The following MARCHF1 variants were observed in gnomAD, a reference collection of about 807,000 sequenced individuals.
MARCHF1 encodes the protein E3 ubiquitin-protein ligase MARCHF1.
A neutral mutation model predicts 54.2 loss-of-function variants in MARCHF1; 40 were observed. That is an observed-to-expected ratio of 0.74 (90% CI 0.57 to 0.96). The LOEUF is 0.96. Ranked by LOEUF, MARCHF1 falls within the 40% of genes least tolerant of loss-of-function variation. The pLI, the probability that MARCHF1 is intolerant of heterozygous loss-of-function variation, is 0.00. For synonymous variants in MARCHF1, 236 were observed against 236.3 expected, an observed-to-expected ratio of 1.00 and a Z score of 0.01; for missense variants, 586 against 656.5, an observed-to-expected ratio of 0.89 and a Z score of 1.17.
chr4:164,176,980 C>CTCTCTCTATATA (rs1466683245), intron 1 of MARCHF1, among the ~76,000 whole-genome samples: 28 of 58,894 alleles, frequency 4.8e-4, no homozygotes, highest in African/African-American at 1.8e-3. Flanking sequence ...CTCTCTCTCT[C>CTCTCTCTATATA]TATATATATA....
At chr4:163,654,486 A>G (rs1743071450) in intron 5 of MARCHF1, among the ~76,000 whole-genome samples, 1 of 151,522 alleles carries the variant, frequency 6.6e-6, no homozygotes, top group Non-Finnish European at 1.5e-5. Context: ...CTATTCCTCT[A>G]TTTCTTCCTG....
intron 3 of MARCHF1, among the ~76,000 whole-genome samples, chr4:163,949,297 G>T (rs567533919): frequency 2.0e-5 from 3 of 152,304 alleles, no homozygotes; most frequent in Non-Finnish European, 4.4e-5. Context: ...CACTGCAAAC[G>T]GCTTCCACGG....
chr4:164,283,769 T>C (rs1734081193), intron 1 of MARCHF1, among the ~76,000 whole-genome samples: 1 of 150,450 alleles, frequency 6.6e-6, no homozygotes, highest in African/African-American at 2.4e-5. Flanking sequence ...ACCAAGATAG[T>C]AGAAAGAAGA....
Position 163,953,805 on chromosome 4 carries a change from T to C in MARCHF1, c.-39+34696A>G, listed in dbSNP as rs139337052. Among the ~76,000 whole-genome samples the C allele has an allele frequency of 4.3e-3, 653 of 152,334 alleles. 15 individuals are homozygous for C. The highest frequency in any genetic ancestry group is 0.031 in the East Asian group (160 of 5,182). On this transcript the variant is annotated intron_variant, in intron 3 of 9. Coordinates refer to ENST00000514618, the MANE Select transcript of MARCHF1 (RefSeq NM_001394959.1). ...AAATTTCAGTGCTCATGTAGTTTTATTGGAATACATATATGCTCATTTCTT... is the reference window on the plus strand; with the variant it reads ...AAATTTCAGTGCTCATGTAGTTTTACTGGAATACATATATGCTCATTTCTT...
At chr4:164,376,290 G>T (rs1431313996) in intron 1 of MARCHF1, among the ~76,000 whole-genome samples, 1 of 152,180 alleles carries the variant, frequency 6.6e-6, no homozygotes, top group African/African-American at 2.4e-5. Flanking sequence ...TGACAGATTT[G>T]TAAAGAAAGT....
At chr4:163,731,632 C>T (rs62332969) in intron 4 of MARCHF1, among the ~76,000 whole-genome samples, 5,570 of 152,144 alleles carry the variant, frequency 0.037, 154 homozygotes, top group Non-Finnish European at 0.056. Context: ...TGAGGGAGCT[C>T]CAGAGATCTG....
intron 1 of MARCHF1, among the ~76,000 whole-genome samples, chr4:164,313,958 A>G (rs1425901339): frequency 6.6e-6 from 1 of 152,218 alleles, no homozygotes; most frequent in African/African-American, 2.4e-5. Flanking sequence ...TCCCAGCTTC[A>G]GCTGCATCTC....
intron 1 of MARCHF1, among the ~76,000 whole-genome samples, chr4:164,139,120 T>G (rs1756465631): frequency 6.6e-6 from 1 of 152,164 alleles, no homozygotes; most frequent in Non-Finnish European, 1.5e-5. Flanking sequence ...ATGAGTACAA[T>G]ATTTTGCAAA....
At chr4:164,183,891 T>C (rs543456076) in intron 1 of MARCHF1, among the ~76,000 whole-genome samples, 8 of 152,182 alleles carry the variant, frequency 5.3e-5, no homozygotes, top group African/African-American at 1.9e-4. Context: ...GAAAGTGACA[T>C]TTAGGAAGAG....
intron 5 of MARCHF1, among the ~76,000 whole-genome samples, chr4:163,643,119 C>T (rs1742615450): frequency 6.7e-6 from 1 of 148,716 alleles, no homozygotes; most frequent in Non-Finnish European, 1.5e-5. Flanking sequence ...TTGAGACCAG[C>T]CTGGCCAACA....
chr4:163,877,879 C>T (rs548222000), intron 3 of MARCHF1, among the ~76,000 whole-genome samples: 1 of 152,284 alleles, frequency 6.6e-6, no homozygotes, highest in Middle Eastern at 3.4e-3. Flanking sequence ...CTTGGTTACA[C>T]TCAGAATGAA....
intron 1 of MARCHF1, among the ~76,000 whole-genome samples, chr4:164,153,658 T>C (rs1022176817): frequency 3.9e-5 from 6 of 152,244 alleles, no homozygotes; most frequent in Admixed American, 1.3e-4. Flanking sequence ...AGACAAAATA[T>C]GCTGATTTTA....
chr4:163,940,908 T>C (rs899549590), intron 3 of MARCHF1, among the ~76,000 whole-genome samples: 3 of 152,108 alleles, frequency 2.0e-5, no homozygotes, highest in African/African-American at 7.2e-5. Flanking sequence ...CAGAGTAAAC[T>C]CTCAATAAAT....
chr4:164,369,123 GT>G (rs1455727021), intron 1 of MARCHF1, among the ~76,000 whole-genome samples: 1 of 152,098 alleles, frequency 6.6e-6, no homozygotes, highest in East Asian at 1.9e-4. Context: ...GAGGGTGGTG[GT>G]TTAACCCGGG....
At chr4:164,203,119 A>C (rs945744589) in intron 1 of MARCHF1, among the ~76,000 whole-genome samples, 3 of 151,860 alleles carry the variant, frequency 2.0e-5, no homozygotes, top group Non-Finnish European at 2.9e-5. Context: ...GCCTAGAATC[A>C]GACACCCATT....
In MARCHF1 at chr4:163,527,858, AATAAC is replaced by A. The variant is rs1022863913; in HGVS notation, c.*885_*889del. ...ATTTTTTATATTGATGACATGTTGA[AATAAC>A]ATATAGTGTTTTTAAAAAATCAAAA... On this transcript the variant is annotated 3_prime_UTR_variant, in exon 10 of 10. Transcript: ENST00000514618. 2 of 152,134 alleles carry A rather than the reference AATAAC, an allele frequency of 1.3e-5. No individual in the cohort carries two copies. Among genetic ancestry groups the A allele is most frequent in the African/African-American group, 4.8e-5 (2 of 41,454 alleles). The allele number at this position is 152,134 out of a possible 1,614,324, so 9.4% of individuals were successfully genotyped here.
intron 2 of MARCHF1, among the ~76,000 whole-genome samples, chr4:164,008,630 A>G (rs1051589042): frequency 1.3e-5 from 2 of 152,126 alleles, no homozygotes; most frequent in Non-Finnish European, 2.9e-5. Context: ...AATCATGTCA[A>G]CTATCTTTTC....
chr4:163,755,480 C>A (rs1385778401), intron 4 of MARCHF1, among the ~76,000 whole-genome samples: 2 of 152,148 alleles, frequency 1.3e-5, no homozygotes, highest in African/African-American at 4.8e-5. Flanking sequence ...CCTAATAATA[C>A]CAGGGCTCTT....
chr4:164,112,584 T>C (rs1755856702), intron 1 of MARCHF1, among the ~76,000 whole-genome samples: 1 of 151,950 alleles, frequency 6.6e-6, no homozygotes, highest in African/African-American at 2.4e-5. Flanking sequence ...GAAGTCAATG[T>C]ACATAGAGCT....
Sources: gnomAD v4.1 joint callset for allele counts (sites outside exome capture counted in the v4.1 genomes callset) on GRCh38, gnomAD v4.1.1 for gene constraint, MANE v1.5 for transcripts, NCBI Gene and HGNC (gene_info 2026-07-23, HGNC 2026-07-21) for gene names.